MYO1D: variants seen among roughly 807,000 people sequenced by gnomAD.
The protein encoded by MYO1D is unconventional myosin-Id.
Under a neutral mutation model 122.0 loss-of-function variants are expected in MYO1D, and 83 were observed. The observed-to-expected ratio is 0.68, with a 90% CI of 0.57 to 0.82. MYO1D has a LOEUF of 0.82. Among genes scored for constraint, MYO1D ranks in the 40% least tolerant of loss-of-function variants. MYO1D has a pLI of 0.00. For missense variants in MYO1D, 1,157 were observed against 1,269.5 expected, an observed-to-expected ratio of 0.91 and a Z score of 1.35; for synonymous variants, 464 against 446.9, an observed-to-expected ratio of 1.04 and a Z score of -0.48.
intron 21 of MYO1D, among the ~76,000 whole-genome samples, chr17:32,571,961 T>G (rs182070188): frequency 1.1e-3 from 175 of 152,296 alleles, no homozygotes; most frequent in Middle Eastern, 0.01. Flanking sequence ...ATATTACCTT[T>G]CTGAATTTAT....
intron 1 of MYO1D, chr17:32,863,157 T>C (rs889384327): frequency 1.3e-5 from 2 of 152,226 alleles, no homozygotes; most frequent in Admixed American, 6.5e-5. Flanking sequence ...CAAGCAGTCA[T>C]AAATTGCACA....
chr17:32,672,688 G>A (rs540799708), intron 16 of MYO1D, among the ~76,000 whole-genome samples: 48 of 152,158 alleles, frequency 3.2e-4, no homozygotes, highest in Middle Eastern at 3.4e-3. Flanking sequence ...GTTTTGCCAC[G>A]TTGGCCAGGC....
chr17:32,830,358 A>G (rs2090760280), intron 1 of MYO1D: 1 of 152,224 alleles, frequency 6.6e-6, no homozygotes, highest in Non-Finnish European at 1.5e-5. Flanking sequence ...TTTATCACAC[A>G]ATTATCATTG....
intron 16 of MYO1D, among the ~76,000 whole-genome samples, chr17:32,667,429 T>C (rs28668023): frequency 0.043 from 6,478 of 152,280 alleles, 431 homozygotes; most frequent in African/African-American, 0.14. Context: ...TGAATATAAT[T>C]TATAGGCTAT....
chr17:32,530,538 C>T lies in MYO1D; in HGVS notation c.2865-35623G>A, dbSNP rs746350959. Among the ~76,000 whole-genome samples the T allele has an allele frequency of 3.9e-5, 6 of 152,306 alleles. No individual in the cohort carries two copies. In the South Asian group the frequency reaches 1.2e-3, roughly 32 times the overall value. On this transcript the variant is annotated intron_variant, in intron 21 of 21. Coordinates refer to ENST00000318217, the MANE Select transcript of MYO1D (RefSeq NM_015194.3). ...AAGAAAGGCTTAGTGCAGTAGCTCA[C>T]GCCTGTAATCCCTGCACTTTGGGAG... is the stretch of plus-strand genomic sequence containing the variant.
intron 1 of MYO1D, among the ~76,000 whole-genome samples, chr17:32,835,697 GAGT>G (rs1672942538): frequency 6.6e-6 from 1 of 152,140 alleles, no homozygotes; most frequent in South Asian, 2.1e-4. Flanking sequence ...AGACAAGCAT[GAGT>G]AGGTCTTTCA....
At chr17:32,690,986 T>G (rs2089089698) in intron 16 of MYO1D, among the ~76,000 whole-genome samples, 1 of 152,102 alleles carries the variant, frequency 6.6e-6, no homozygotes, top group Admixed American at 6.5e-5. Flanking sequence ...ACTTTAGTAT[T>G]TATTTCTCCT....
At chr17:32,649,746 AT>A (rs1299657622) in intron 19 of MYO1D, among the ~76,000 whole-genome samples, 1 of 151,348 alleles carries the variant, frequency 6.6e-6, no homozygotes, top group African/African-American at 2.4e-5. Context: ...TAATTTTTGT[AT>A]TTTTAGTAGA....
At chr17:32,742,566 G>C (rs2089784659) in intron 13 of MYO1D, among the ~76,000 whole-genome samples, 2 of 152,180 alleles carry the variant, frequency 1.3e-5, no homozygotes, top group African/African-American at 4.8e-5. Context: ...GGCCAAATAA[G>C]GCTGTTTTTT....
intron 1 of MYO1D, among the ~76,000 whole-genome samples, chr17:32,874,663 C>A (rs114016265): frequency 6.6e-6 from 1 of 152,074 alleles, no homozygotes; most frequent in Admixed American, 6.6e-5. Flanking sequence ...TGGCTCACAC[C>A]TATAATCCTA....
chr17:32,800,915 G>T (rs752341329), intron 1 of MYO1D, among the ~76,000 whole-genome samples: 1 of 151,966 alleles, frequency 6.6e-6, no homozygotes, highest in Non-Finnish European at 1.5e-5. Flanking sequence ...ACAAAGAAAC[G>T]ATAAATATTT....
intron 12 of MYO1D, 89 bp from the exon 13 acceptor site, chr17:32,745,374 C>T (rs1227578302): frequency 2.6e-5 from 19 of 738,508 alleles, no homozygotes; most frequent in South Asian, 3.5e-5. Flanking sequence ...GCCTTTCCAC[C>T]GTTAATTATG....
chr17:32,822,608 G>A (rs897708614), intron 1 of MYO1D, among the ~76,000 whole-genome samples: 1 of 148,762 alleles, frequency 6.7e-6, no homozygotes, highest in Non-Finnish European at 1.5e-5. Flanking sequence ...GCCGAGCCGG[G>A]CCCGTGGCCC....
intron 1 of MYO1D, among the ~76,000 whole-genome samples, chr17:32,846,054 G>A (rs892526522): frequency 1.3e-5 from 2 of 152,122 alleles, no homozygotes; most frequent in African/African-American, 4.8e-5. Context: ...GAACTCTGAG[G>A]GTTGCCTACT....
chr17:32,650,002 G>C (rs372507762), intron 19 of MYO1D, among the ~76,000 whole-genome samples: 1 of 152,188 alleles, frequency 6.6e-6, no homozygotes, highest in Non-Finnish European at 1.5e-5. Flanking sequence ...ATTTAAGTAA[G>C]AAAAGACATG....
chr17:32,638,386 G>T (rs779594171), intron 20 of MYO1D, among the ~76,000 whole-genome samples: 1 of 152,000 alleles, frequency 6.6e-6, no homozygotes, highest in Non-Finnish European at 1.5e-5. Flanking sequence ...ATCCCCTACC[G>T]ATTTTCTACC....
chr17:32,586,824 T>G (rs1205246376), intron 21 of MYO1D, among the ~76,000 whole-genome samples: 1 of 152,218 alleles, frequency 6.6e-6, no homozygotes, highest in Non-Finnish European at 1.5e-5. Context: ...CAAAGATGTC[T>G]GAGAGTGAAT....
chr17:32,795,869 C>T (rs900665915), intron 1 of MYO1D, among the ~76,000 whole-genome samples: 2 of 151,648 alleles, frequency 1.3e-5, no homozygotes, highest in Non-Finnish European at 2.9e-5. Flanking sequence ...ACCTTTGCCC[C>T]GTCCTCACTT....
At chr17:32,635,854 G>A (rs765585410) in intron 20 of MYO1D, among the ~76,000 whole-genome samples, 2 of 152,150 alleles carry the variant, frequency 1.3e-5, no homozygotes, top group Admixed American at 1.3e-4. Context: ...GCTATGCCCT[G>A]TATGTTTTTA....
Sources: gnomAD v4.1 joint callset for allele counts (sites outside exome capture counted in the v4.1 genomes callset) on GRCh38, gnomAD v4.1.1 for gene constraint, MANE v1.5 for transcripts, NCBI Gene and HGNC (gene_info 2026-07-23, HGNC 2026-07-21) for gene names.